Variants in COL14A1 observed in about 807,000 individuals in gnomAD.
The protein encoded by COL14A1 is collagen type XIV alpha 1 chain.
COL14A1 carries 136 observed loss-of-function variants against 230.3 expected under a neutral mutation model. The observed-to-expected ratio is 0.59, with a 90% CI of 0.51 to 0.68. The LOEUF is 0.68. Among genes scored for constraint, COL14A1 ranks in the 30% least tolerant of loss-of-function variants. The pLI is 0.00. For synonymous variants in COL14A1, 792 were observed against 784.1 expected (o/e 1.01, Z -0.17); for missense variants, 1,976 against 2,215.8 (o/e 0.89, Z 2.17).
intron 5 of COL14A1, among the ~76,000 whole-genome samples, chr8:120,169,811 C>G (rs563739044): frequency 2.8e-4 from 42 of 151,856 alleles, no homozygotes; most frequent in African/African-American, 9.4e-4. Context: ...TTTATTACAA[C>G]TTATTAAATA....
chr8:120,226,526 A>G, intron 15 of COL14A1, 101 bp from the exon 16 acceptor site: 1 of 1,281,076 alleles, frequency 7.8e-7, no homozygotes, highest in South Asian at 1.7e-5. Context: ...TCCTAAAGCA[A>G]AAGATTCCTC....
At chr8:120,225,376 T>C (rs889791376) in intron 15 of COL14A1, among the ~76,000 whole-genome samples, 162 bp downstream of exon 15, 12 of 152,206 alleles carry the variant, frequency 7.9e-5, no homozygotes, top group Non-Finnish European at 1.6e-4. Flanking sequence ...GACTATTATG[T>C]GTAGTGGCTA....
In COL14A1 at chr8:120,243,967, C is replaced by A; in HGVS notation, c.2438C>A (p.Thr813Lys). ...EYKVTVTPIY[T>K]DGEGVSVSAP... ...AAAGTCACAGTGACTCCCATCTACA[C>A]GGATGGCGAAGGCGTCAGCGTCTCC... Residue 813 changes from threonine to lysine, a missense_variant, in exon 20 of 48, where the codon ACG becomes AAG. Physicochemically the swap from Thr to Lys is moderately conservative, Grantham distance 78 (BLOSUM62 -1). This residue lies in a region of COL14A1 where 1,791 missense variants were observed against 2,019.5 expected (regional missense o/e 0.89). Coordinates refer to ENST00000297848, the MANE Select transcript of COL14A1 (RefSeq NM_021110.4). The A allele has an allele frequency of 6.2e-7, 1 of 1,613,416 alleles. No homozygotes were observed. The highest frequency in any genetic ancestry group is 1.1e-5 in the South Asian group (1 of 91,018).
In COL14A1 at chr8:120,248,917, C is replaced by CTTTTTTTTTTT. The variant is rs71571673; in HGVS notation, c.2602+1198_2602+1208dup. On this transcript the variant is annotated intron_variant, in intron 21 of 47. Coordinates refer to ENST00000297848, the MANE Select transcript of COL14A1 (RefSeq NM_021110.4). ...AAAAACTCCATTAGTTTCAATCTTT[C>CTTTTTTTTTTT]TTTTTTTTTTTTTTTTTTTTTTTTT... 4.6e-4 allele frequency among the ~76,000 whole-genome samples: 39 copies of CTTTTTTTTTTT among 84,194 alleles called. 6 individuals carry two copies. Among genetic ancestry groups the CTTTTTTTTTTT allele is most frequent in the African/African-American group, 1.8e-3 (35 of 19,976 alleles). 55.2% of individuals were successfully genotyped at this position (84,194 alleles called of 152,430 possible). A position where few individuals can be genotyped will look rare whatever the true frequency, so the allele number is the denominator to read the frequency against.
intron 28 of COL14A1, among the ~76,000 whole-genome samples, chr8:120,279,711 T>G (rs1819979212): frequency 6.6e-6 from 1 of 152,172 alleles, no homozygotes; most frequent in Non-Finnish European, 1.5e-5. Flanking sequence ...TTGGTCTTCT[T>G]GGGTTTCTTT....
At chr8:120,281,953 ATTCTTG>A in intron 31 of COL14A1, among the ~76,000 whole-genome samples, 1 of 152,178 alleles carries the variant, frequency 6.6e-6, no homozygotes, top group South Asian at 2.1e-4. Context: ...CATTTGCCTT[ATTCTTG>A]TTTCTTTTTT....
At chr8:120,301,420 A>C (rs1820705840) in intron 36 of COL14A1, among the ~76,000 whole-genome samples, 1 of 151,908 alleles carries the variant, frequency 6.6e-6, no homozygotes, top group South Asian at 2.1e-4. Flanking sequence ...AGTTCTCATC[A>C]TTTAGCTCCC....
intron 5 of COL14A1, among the ~76,000 whole-genome samples, chr8:120,183,994 G>A (rs1389584619): frequency 3.3e-5 from 5 of 152,100 alleles, no homozygotes; most frequent in Admixed American, 2.6e-4. Flanking sequence ...TGGTGGACAC[G>A]TTATTTAACC....
chr8:120,237,995 C>G (rs575692657), intron 19 of COL14A1, among the ~76,000 whole-genome samples: 24 of 152,240 alleles, frequency 1.6e-4, no homozygotes, highest in African/African-American at 5.8e-4. Context: ...AGCTTCATCC[C>G]AGAGGGGCAC....
chr8:120,192,647 A>G (rs1460985913), intron 5 of COL14A1, among the ~76,000 whole-genome samples: 1 of 152,184 alleles, frequency 6.6e-6, no homozygotes, highest in Non-Finnish European at 1.5e-5. Context: ...GTGTTTTCCA[A>G]CTTGGTTCCA....
intron 45 of COL14A1, among the ~76,000 whole-genome samples, chr8:120,354,739 G>A (rs1295938032): frequency 6.6e-6 from 1 of 152,118 alleles, no homozygotes; most frequent in East Asian, 1.9e-4. Context: ...GGGATCCAGT[G>A]GCTAATGTTG....
intron 18 of COL14A1, 74 bp downstream of exon 18, chr8:120,228,843 A>G (rs1818171977): frequency 2.4e-6 from 3 of 1,259,178 alleles, no homozygotes; most frequent in African/African-American, 1.5e-5. Flanking sequence ...TCCTGGTTTT[A>G]TTTATTATTA....
At chr8:120,200,989 CA>C (rs911893095) in intron 8 of COL14A1, among the ~76,000 whole-genome samples, 25 of 151,360 alleles carry the variant, frequency 1.7e-4, no homozygotes, top group Admixed American at 8.6e-4. Flanking sequence ...CAGTGCTTGA[CA>C]CTTAAAAAGT....
chr8:120,209,956 T>C (rs1817572401), intron 12 of COL14A1, 55 bp downstream of exon 12: 3 of 1,261,174 alleles, frequency 2.4e-6, no homozygotes, highest in Non-Finnish European at 3.1e-6. Context: ...TTAAATAAAA[T>C]AAAATTTTTA....
intron 22 of COL14A1, among the ~76,000 whole-genome samples, chr8:120,253,490 A>G (rs905074417): frequency 1.3e-5 from 2 of 152,256 alleles, no homozygotes; most frequent in Non-Finnish European, 2.9e-5. Context: ...TGTCCTTAAA[A>G]TATAAATTAG....
At chr8:120,229,581 C>T (rs921902965) in intron 18 of COL14A1, among the ~76,000 whole-genome samples, 7 of 151,988 alleles carry the variant, frequency 4.6e-5, no homozygotes, top group African/African-American at 7.3e-5. Context: ...TACATGTGCA[C>T]GTGTCTTTAT....
chr8:120,324,066 A>G (rs1362152790), intron 40 of COL14A1, among the ~76,000 whole-genome samples: 2 of 152,108 alleles, frequency 1.3e-5, no homozygotes, highest in African/African-American at 2.4e-5. Flanking sequence ...ACTGGGACCT[A>G]CTTGAGGGTG....
rs774610263 is a variant in COL14A1, at chr8:120,289,565, TC to T, written c.4078-41del. On this transcript the variant is annotated intron_variant, in intron 33 of 47. Transcript: ENST00000297848. Reference sequence around the variant, plus strand: ...CAATTATACAAATTTGGTTGATATTTCCTTCTGTTTCTTACCTCCTAAAACA... The same window carrying T: ...CAATTATACAAATTTGGTTGATATTTCTTCTGTTTCTTACCTCCTAAAACA... The T allele has an allele frequency of 2.0e-5, 32 of 1,563,418 alleles. No homozygotes were observed. The South Asian group carries it at 3.7e-4, about 18-fold the overall frequency.
chr8:120,155,362 T>C (rs974932357), intron 2 of COL14A1, among the ~76,000 whole-genome samples: 2 of 152,200 alleles, frequency 1.3e-5, no homozygotes, highest in African/African-American at 4.8e-5. Context: ...CCAGATTACC[T>C]GAACATGCTC....
Sources: allele counts gnomAD v4.1 joint callset (sites outside exome capture counted in the v4.1 genomes callset), GRCh38; gene constraint gnomAD v4.1.1; regional missense constraint gnomAD v4.1.1; transcripts MANE v1.5; gene names NCBI Gene and HGNC (gene_info 2026-07-23, HGNC 2026-07-21).